GRIA3: variants seen among roughly 807,000 people sequenced by gnomAD.
GRIA3 encodes the protein glutamate ionotropic receptor AMPA type subunit 3.
A neutral mutation model predicts 63.0 loss-of-function variants in GRIA3; 3 were observed. The observed-to-expected ratio is 0.05, with a 90% confidence interval of 0.02 to 0.12. The LOEUF (loss-of-function observed/expected upper bound fraction) is 0.12, where lower values mean the gene tolerates loss of function less well. Ranked by LOEUF, GRIA3 falls within the 10% of genes least tolerant of loss-of-function variation. GRIA3 has a pLI of 1.00. For synonymous variants in GRIA3, 274 were observed against 257.9 expected (o/e 1.06, Z -0.60); for missense variants, 347 against 700.9 (o/e 0.50, Z 5.70).
At chrX:123,193,940 G>C (rs1463240793) in intron 2 of GRIA3, among the ~76,000 whole-genome samples, 1 of 111,442 alleles carries the variant, frequency 9.0e-6, no homozygotes, top group Non-Finnish European at 1.9e-5. Flanking sequence ...CGGGCATTCA[G>C]AGGGGCGCTG....
chrX:123,326,624 G>C (rs2044907053), intron 4 of GRIA3, among the ~76,000 whole-genome samples: 2 of 111,319 alleles, frequency 1.8e-5, no homozygotes, highest in Non-Finnish European at 3.8e-5. Context: ...GAGCCTCATT[G>C]CTGGAATATG....
chrX:123,300,780 T>C (rs952595869), intron 3 of GRIA3, among the ~76,000 whole-genome samples: 1 of 110,373 alleles, frequency 9.1e-6, no homozygotes, highest in African/African-American at 3.3e-5. Flanking sequence ...TTTGAGATCT[T>C]TCTAACTTTT....
Position 123,189,537 on chromosome X carries a change from G to C in GRIA3, c.268+3547G>C, listed in dbSNP as rs766064806. Among the ~76,000 whole-genome samples the C allele has an allele frequency of 2.2e-4, 25 of 112,238 alleles. No individual in the cohort carries two copies. The Admixed American group carries it at 2.3e-3, about 10-fold the overall frequency. On this transcript the variant is annotated intron_variant, in intron 2 of 15. Coordinates refer to ENST00000620443, the MANE Select transcript of GRIA3 (RefSeq NM_007325.5). ...CACCGCCCCAGCCTCTGCAGTGTCA[G>C]CTCATTAGCACACAGATCTCATATT...
chrX:123,408,301 T>C (rs1382383777), intron 10 of GRIA3, among the ~76,000 whole-genome samples: 2 of 111,376 alleles, frequency 1.8e-5, no homozygotes, highest in Admixed American at 9.5e-5. Context: ...GGTTATCCGA[T>C]GTGAGCTATA....
At chrX:123,221,703 A>G (rs1040987996) in intron 2 of GRIA3, among the ~76,000 whole-genome samples, 3 of 111,376 alleles carry the variant, frequency 2.7e-5, no homozygotes, top group Non-Finnish European at 5.7e-5. Flanking sequence ...TCCTCATCTT[A>G]CACAAAGAAA....
intron 2 of GRIA3, among the ~76,000 whole-genome samples, chrX:123,223,391 T>G (rs1212226239): frequency 8.9e-6 from 1 of 112,879 alleles, no homozygotes; most frequent in Non-Finnish European, 1.9e-5. Context: ...ACCAATATAG[T>G]GACAACCTAA....
At chrX:123,282,527 C>T (rs756026764) in intron 3 of GRIA3, among the ~76,000 whole-genome samples, 5 of 112,726 alleles carry the variant, frequency 4.4e-5, no homozygotes, top group African/African-American at 1.3e-4. Context: ...GAGAGGACCA[C>T]CTCTCCCCAT....
At chrX:123,445,303 A>T (rs767429488) in intron 12 of GRIA3, among the ~76,000 whole-genome samples, 5 of 111,742 alleles carry the variant, frequency 4.5e-5, no homozygotes, top group Non-Finnish European at 7.5e-5. Context: ...CCTCCCTGGA[A>T]AGTAATACTC....
intron 3 of GRIA3, among the ~76,000 whole-genome samples, chrX:123,294,877 C>T (rs929506420): frequency 1.6e-4 from 18 of 111,855 alleles, no homozygotes; most frequent in African/African-American, 5.8e-4. Context: ...CAATTAGTTG[C>T]TGTAGCTTTA....
rs757067228 is a variant in GRIA3, at chrX:123,340,411, T to C, written c.696+14198T>C. 1.2e-3 allele frequency among the ~76,000 whole-genome samples: 134 copies of C among 112,497 alleles called. 1 individual carries two copies. Among genetic ancestry groups the C allele is most frequent in the Middle Eastern group, 4.6e-3 (1 of 219 alleles). On this transcript the variant is annotated intron_variant, in intron 4 of 15. Transcript: ENST00000620443. ...TAAGAAGTATGAAACTGGAGCCCTG[T>C]CCTCAAAGACATATCATTTAATTGG...
At chrX:123,240,401 G>A (rs2044323536) in intron 2 of GRIA3, among the ~76,000 whole-genome samples, 1 of 111,622 alleles carries the variant, frequency 9.0e-6, no homozygotes, top group African/African-American at 3.3e-5. Flanking sequence ...CATATTTGAA[G>A]GAACTGAGGT....
chrX:123,467,808 T>G (rs2045842532), intron 13 of GRIA3, among the ~76,000 whole-genome samples: 1 of 112,319 alleles, frequency 8.9e-6, no homozygotes. Context: ...TTCACCCAGA[T>G]GTTTTGGTAC....
Position 123,403,444 on chromosome X carries a change from G to A in GRIA3, c.1218G>A (p.Val406=). The A allele has an allele frequency of 8.4e-7, 1 of 1,192,795 alleles. No homozygotes were observed. The highest frequency in any genetic ancestry group is 1.8e-5 in the South Asian group (1 of 56,581). ...ACTGGAATGAGTATGAAAGGTTTGT[G>A]CCTTTCTCAGATCAGCAAATCAGCA... The part of the protein sequence containing the change: ...AGYWNEYERF[V]PFSDQQISND... Residue 406 remains valine (V), a synonymous_variant, in exon 9 of 16, where the codon GTG becomes GTA. Transcript: ENST00000620443.
At chrX:123,378,308 TC>T (rs2045299294) in intron 5 of GRIA3, among the ~76,000 whole-genome samples, 1 of 111,893 alleles carries the variant, frequency 8.9e-6, no homozygotes. Context: ...TGACCTTCTT[TC>T]CTCTATTTTC....
intron 3 of GRIA3, among the ~76,000 whole-genome samples, chrX:123,296,743 G>A (rs1196567796): frequency 9.0e-6 from 1 of 111,119 alleles, no homozygotes; most frequent in Non-Finnish European, 1.9e-5. Context: ...AGCAGAAAAT[G>A]GAAGCCTTTA....
chrX:123,192,282 A>G (rs950737582), intron 2 of GRIA3, among the ~76,000 whole-genome samples: 2 of 111,630 alleles, frequency 1.8e-5, no homozygotes, highest in Non-Finnish European at 3.8e-5. Context: ...GAACCTGCCT[A>G]TGTGGGCACT....
At chrX:123,343,261 G>A (rs921473759) in intron 4 of GRIA3, among the ~76,000 whole-genome samples, 5 of 111,116 alleles carry the variant, frequency 4.5e-5, no homozygotes, top group African/African-American at 1.6e-4. Flanking sequence ...TTTTTATCCA[G>A]GGCATCTTTC....
At chrX:123,289,699 T>G (rs1454720248) in intron 3 of GRIA3, among the ~76,000 whole-genome samples, 1 of 109,860 alleles carries the variant, frequency 9.1e-6, no homozygotes, top group East Asian at 2.9e-4. Context: ...TCATGTCCCT[T>G]GAGAAACCTT....
chrX:123,324,382 T>C (rs773319415), intron 3 of GRIA3, among the ~76,000 whole-genome samples: 1 of 112,325 alleles, frequency 8.9e-6, no homozygotes, highest in Non-Finnish European at 1.9e-5. Flanking sequence ...ACTCAGTCCT[T>C]GATGAAGTTT....
Sources: allele counts gnomAD v4.1 joint callset (sites outside exome capture counted in the v4.1 genomes callset), GRCh38; gene constraint gnomAD v4.1.1; transcripts MANE v1.5; gene names NCBI Gene and HGNC (gene_info 2026-07-23, HGNC 2026-07-21).